The following RANBP17 variants were observed in gnomAD, a reference collection of about 807,000 sequenced individuals.
RANBP17 encodes ran-binding protein 17.
A neutral mutation model predicts 141.2 loss-of-function variants in RANBP17; 158 were observed. The ratio of observed to expected loss-of-function variants is 1.12; its 90% CI spans 0.98 to 1.28. The LOEUF is 1.28. Ranked by LOEUF, RANBP17 falls within the 50% of genes most tolerant of loss-of-function variation. RANBP17 has a pLI of 0.00. For synonymous variants in RANBP17, 430 were observed against 450.0 expected, an observed-to-expected ratio of 0.96 and a Z score of 0.56; for missense variants, 1,438 against 1,290.7, an observed-to-expected ratio of 1.11 and a Z score of -1.75.
intron 21 of RANBP17, among the ~76,000 whole-genome samples, chr5:171,216,578 T>A (rs1763235580): frequency 6.6e-6 from 1 of 152,196 alleles, no homozygotes; most frequent in Admixed American, 6.5e-5. Flanking sequence ...TGTCCTCTCT[T>A]ATTTCCTTGA....
intron 14 of RANBP17, among the ~76,000 whole-genome samples, chr5:171,062,877 C>G (rs1289686858): frequency 1.3e-5 from 2 of 151,906 alleles, no homozygotes; most frequent in Non-Finnish European, 2.9e-5. Context: ...TCTTTTTTCT[C>G]TAAACTTCCC....
At chr5:171,086,786 A>T (rs1785698239) in intron 14 of RANBP17, among the ~76,000 whole-genome samples, 1 of 147,484 alleles carries the variant, frequency 6.8e-6, no homozygotes, top group East Asian at 2.0e-4. Context: ...GGTAGTTTGT[A>T]TTTCTGTGGG....
chr5:171,140,186 C>A (rs149423178), intron 14 of RANBP17, among the ~76,000 whole-genome samples: 229 of 152,318 alleles, frequency 1.5e-3, no homozygotes, highest in Middle Eastern at 3.4e-3. Flanking sequence ...TTTCACAGCA[C>A]CCTCTACTTT....
chr5:171,273,785 G>A (rs1767286121), intron 25 of RANBP17, among the ~76,000 whole-genome samples: 1 of 152,152 alleles, frequency 6.6e-6, no homozygotes, highest in South Asian at 2.1e-4. Flanking sequence ...CACTGCTACA[G>A]TGATATTTTT....
chr5:171,265,914 T>A, intron 25 of RANBP17, 67 bp downstream of exon 25: 1 of 1,452,190 alleles, frequency 6.9e-7, no homozygotes, highest in South Asian at 1.3e-5. Context: ...GGCCCCGAAT[T>A]TATCTTAGAG....
chr5:170,931,005 G>A (rs1023161700), intron 12 of RANBP17, among the ~76,000 whole-genome samples: 3 of 152,154 alleles, frequency 2.0e-5, no homozygotes, highest in African/African-American at 7.2e-5. Context: ...CACAATGGTT[G>A]AACTAGTTTA....
At chr5:171,198,174 G>C (rs1276930757) in intron 18 of RANBP17, among the ~76,000 whole-genome samples, 3 of 152,176 alleles carry the variant, frequency 2.0e-5, no homozygotes, top group Admixed American at 1.3e-4. Context: ...ATCTGTATAG[G>C]TCTATGTTAT....
chr5:171,223,010 T>G (rs2127982853), intron 22 of RANBP17, among the ~76,000 whole-genome samples: 1 of 152,314 alleles, frequency 6.6e-6, no homozygotes, highest in South Asian at 2.1e-4. Context: ...TATGTGTTTG[T>G]GTATGTATGT....
intron 14 of RANBP17, among the ~76,000 whole-genome samples, chr5:171,016,203 CAA>C (rs1437338884): frequency 6.7e-6 from 1 of 149,876 alleles, no homozygotes; most frequent in East Asian, 1.9e-4. Context: ...TGCTTGACTC[CAA>C]TGTCTTGAAG....
At position 171,297,738 on chromosome 5, in the gene RANBP17, G is replaced by C. The variant is rs6898466; in HGVS notation, c.3171-1024G>C. ...GAAATGATGGCAGGTGGCCCTCGTA[G>C]TTTAATGAGAGTAATAGGCAGTGAA... On this transcript the variant is annotated intron_variant, in intron 27 of 27. Transcript: ENST00000523189. 4.8e-3 allele frequency among the ~76,000 whole-genome samples: 715 copies of C among 148,646 alleles called. 3 individuals are homozygous for C. The highest frequency in any genetic ancestry group is 0.017 in the African/African-American group (676 of 40,614).
intron 14 of RANBP17, among the ~76,000 whole-genome samples, chr5:171,017,213 CAT>C (rs748196112): frequency 2.6e-5 from 4 of 151,916 alleles, no homozygotes; most frequent in Non-Finnish European, 2.9e-5. Flanking sequence ...CTGCAATAAA[CAT>C]GTGTGCATGT....
intron 14 of RANBP17, among the ~76,000 whole-genome samples, chr5:170,987,191 A>G (rs1778202913): frequency 6.6e-6 from 1 of 151,788 alleles, no homozygotes; most frequent in Admixed American, 6.6e-5. Context: ...TGTAGATTAT[A>G]GGGGAAAGGC....
chr5:170,927,607 G>T (rs766677791), intron 12 of RANBP17, among the ~76,000 whole-genome samples: 2 of 151,800 alleles, frequency 1.3e-5, no homozygotes, highest in Non-Finnish European at 2.9e-5. Flanking sequence ...GCTTTTTACA[G>T]TTAGGAAAGT....
Position 171,139,671 on chromosome 5 carries a change from C to A in RANBP17, c.1711-30459C>A, listed in dbSNP as rs540279803. On this transcript the variant is annotated intron_variant, in intron 14 of 27. Coordinates refer to ENST00000523189, the MANE Select transcript of RANBP17 (RefSeq NM_022897.5). Reference sequence around the variant, plus strand: ...TGTTTCTGTCTCCTCTATAGCCCAACTCCAAGCGACCGTCTCTTTTACTTG... The same window carrying A: ...TGTTTCTGTCTCCTCTATAGCCCAAATCCAAGCGACCGTCTCTTTTACTTG... Among the ~76,000 whole-genome samples, 16 of 152,306 alleles carry A rather than the reference C, an allele frequency of 1.1e-4. No individual in the cohort carries two copies. The South Asian group carries it at 1.9e-3, about 18-fold the overall frequency.
chr5:170,970,019 T>C (rs1033260870), intron 14 of RANBP17, among the ~76,000 whole-genome samples: 22 of 152,102 alleles, frequency 1.4e-4, no homozygotes, highest in African/African-American at 4.6e-4. Context: ...TTAATAGAAA[T>C]CATTTTCAGA....
rs763117308 is a variant in RANBP17, at chr5:170,919,443, C to G, written c.1104C>G (p.His368Gln). 4.5e-6 allele frequency: 7 copies of G among 1,560,018 alleles called. No individual in the cohort carries two copies. In the South Asian group the frequency reaches 8.6e-5, roughly 19 times the overall value. ...ACTTCTGCTTTATTTCTTTGTAGCA[C>G]TGGGAATTTGCTCCTAACAGTGTTC... ...IANFTITSLQ[H>Q]WEFAPNSVHY... The change falls in exon 11 of 28, where the codon CAC becomes CAG. Residue 368 changes from histidine (H) to glutamine (Q), a missense_variant and splice_region_variant. His to Gln is a conservative substitution (Grantham distance 24). Transcript: ENST00000523189.
chr5:171,255,711 G>A (rs1482705965), intron 24 of RANBP17, among the ~76,000 whole-genome samples: 2 of 152,148 alleles, frequency 1.3e-5, no homozygotes, highest in Non-Finnish European at 2.9e-5. Context: ...GGTATAGTAA[G>A]TAAGAAGTGA....
chr5:170,907,418 A>G (rs1204589954), intron 5 of RANBP17, among the ~76,000 whole-genome samples: 1 of 151,946 alleles, frequency 6.6e-6, no homozygotes, highest in East Asian at 1.9e-4. Flanking sequence ...CTCTATTTTT[A>G]CCTTTTACAA....
At chr5:170,956,670 G>A (rs1466969853) in intron 13 of RANBP17, among the ~76,000 whole-genome samples, 1 of 151,704 alleles carries the variant, frequency 6.6e-6, no homozygotes. Context: ...GGCTGGTCTC[G>A]AACTCTTGAC....
Sources: allele counts gnomAD v4.1 joint callset (sites outside exome capture counted in the v4.1 genomes callset), GRCh38; gene constraint gnomAD v4.1.1; transcripts MANE v1.5; gene names NCBI Gene and HGNC (gene_info 2026-07-23, HGNC 2026-07-21).